The following ARL15 variants were observed in gnomAD, a reference collection of about 807,000 sequenced individuals.
ARL15 encodes the protein ADP-ribosylation factor-like protein 15.
Under a neutral mutation model 25.2 loss-of-function variants are expected in ARL15, and 19 were observed. The ratio of observed to expected loss-of-function variants is 0.75; its 90% CI spans 0.53 to 1.10. The LOEUF is 1.10. Among genes scored for constraint, ARL15 ranks in the 50% least tolerant of loss-of-function variants. The pLI is 0.00. For missense variants in ARL15, 220 were observed against 246.0 expected (o/e 0.89, Z 0.71); for synonymous variants, 94 against 86.8 (o/e 1.08, Z -0.46).
At chr5:54,148,255 A>G (rs548113815) in intron 3 of ARL15, among the ~76,000 whole-genome samples, 66 of 152,206 alleles carry the variant, frequency 4.3e-4, no homozygotes, top group Non-Finnish European at 5.6e-4. Flanking sequence ...GCAGATTAAC[A>G]GCACCCGAAG....
chr5:54,009,871 G>A (rs1229328038), intron 4 of ARL15, among the ~76,000 whole-genome samples: 1 of 152,026 alleles, frequency 6.6e-6, no homozygotes, highest in African/African-American at 2.4e-5. Flanking sequence ...AGTTATCAGA[G>A]CTCTTAACAA....
At chr5:54,040,232 T>C (rs1384044557) in intron 4 of ARL15, among the ~76,000 whole-genome samples, 2 of 152,230 alleles carry the variant, frequency 1.3e-5, no homozygotes, top group Non-Finnish European at 2.9e-5. Context: ...CAGATATTAA[T>C]AATGTTTTAA....
chr5:54,022,991 A>G (rs1213694230), intron 4 of ARL15, among the ~76,000 whole-genome samples: 6 of 152,218 alleles, frequency 3.9e-5, no homozygotes, highest in Non-Finnish European at 8.8e-5. Flanking sequence ...CGTTGAACTG[A>G]AAAATGTAAT....
At chr5:53,898,983 T>A (rs1262041825) in intron 4 of ARL15, among the ~76,000 whole-genome samples, 1 of 152,132 alleles carries the variant, frequency 6.6e-6, no homozygotes, top group Non-Finnish European at 1.5e-5. Context: ...TTGGTAGTTG[T>A]GTCTCTTCTT....
intron 4 of ARL15, among the ~76,000 whole-genome samples, chr5:54,082,035 G>A (rs986983449): frequency 5.6e-5 from 8 of 143,596 alleles, no homozygotes; most frequent in African/African-American, 2.1e-4. Context: ...AGGTTGTAGT[G>A]AGCCAAGACT....
intron 4 of ARL15, among the ~76,000 whole-genome samples, chr5:54,083,405 TA>T (rs140949843): frequency 0.036 from 5,556 of 152,238 alleles, 349 homozygotes; most frequent in African/African-American, 0.13. Flanking sequence ...TTCTATGCAA[TA>T]GGGATTGAGT....
intron 4 of ARL15, among the ~76,000 whole-genome samples, chr5:54,003,471 C>T (rs533821018): frequency 2.0e-5 from 3 of 152,280 alleles, no homozygotes; most frequent in South Asian, 4.2e-4. Flanking sequence ...CATTGAAGAT[C>T]CACAATTCTG....
At chr5:54,305,539 C>A (rs1172931693) in intron 1 of ARL15, among the ~76,000 whole-genome samples, 1 of 152,156 alleles carries the variant, frequency 6.6e-6, no homozygotes, top group Non-Finnish European at 1.5e-5. Flanking sequence ...TATTCCAAGT[C>A]CCAGTGGATA....
At chr5:54,299,714 C>A (rs775861830) in intron 1 of ARL15, among the ~76,000 whole-genome samples, 4 of 151,518 alleles carry the variant, frequency 2.6e-5, no homozygotes, top group Non-Finnish European at 4.4e-5. Context: ...CTCAGCTTCC[C>A]AAGTAGCTGG....
intron 4 of ARL15, among the ~76,000 whole-genome samples, chr5:54,060,249 ATGG>A (rs1220395856): frequency 6.6e-6 from 1 of 152,008 alleles, no homozygotes; most frequent in East Asian, 1.9e-4. Context: ...CCTGGCCAAC[ATGG>A]TGAAACCCTG....
chr5:54,104,090 G>A (rs922614185), intron 4 of ARL15, among the ~76,000 whole-genome samples: 3 of 152,040 alleles, frequency 2.0e-5, no homozygotes, highest in South Asian at 2.1e-4. Flanking sequence ...GGCTCTTCCC[G>A]TTCCCCTCTT....
intron 4 of ARL15, among the ~76,000 whole-genome samples, chr5:54,069,930 C>T (rs1751368357): frequency 6.6e-6 from 1 of 151,242 alleles, no homozygotes. Context: ...CCACCTCGGC[C>T]TCCCAAAGTG....
chr5:54,250,771 G>T (rs1391637399), intron 1 of ARL15, among the ~76,000 whole-genome samples: 2 of 152,098 alleles, frequency 1.3e-5, no homozygotes, highest in Admixed American at 1.3e-4. Flanking sequence ...TGTTGGCTGT[G>T]AAACTAACTG....
intron 1 of ARL15, among the ~76,000 whole-genome samples, chr5:54,294,334 G>A (rs973350689): frequency 6.6e-6 from 1 of 152,198 alleles, no homozygotes; most frequent in Non-Finnish European, 1.5e-5. Flanking sequence ...TACTAAGGTG[G>A]AGTTCAGTAG....
intron 1 of ARL15, among the ~76,000 whole-genome samples, chr5:54,185,237 T>A (rs992482681): frequency 2.0e-5 from 3 of 152,162 alleles, no homozygotes; most frequent in African/African-American, 7.2e-5. Flanking sequence ...CGGCTCCATG[T>A]CAGTAAAGGG....
At chr5:53,906,010 G>T (rs1365236154) in intron 4 of ARL15, among the ~76,000 whole-genome samples, 2 of 152,146 alleles carry the variant, frequency 1.3e-5, no homozygotes, top group African/African-American at 2.4e-5. Flanking sequence ...AAAAGGAAAA[G>T]ATGTGGCTCT....
chr5:54,219,281 T>C (rs1756305269), intron 1 of ARL15, among the ~76,000 whole-genome samples: 1 of 152,222 alleles, frequency 6.6e-6, no homozygotes, highest in Non-Finnish European at 1.5e-5. Flanking sequence ...TGAATAGTTC[T>C]CTATGTAGGG....
intron 4 of ARL15, among the ~76,000 whole-genome samples, chr5:54,054,809 A>G (rs983564109): frequency 6.6e-6 from 1 of 152,020 alleles, no homozygotes; most frequent in African/African-American, 2.4e-5. Context: ...AAAGAATACT[A>G]GATGAGAAAA....
At chr5:54,000,105 T>A (rs697110) in intron 4 of ARL15, among the ~76,000 whole-genome samples, 1 of 151,854 alleles carries the variant, frequency 6.6e-6, no homozygotes, top group Non-Finnish European at 1.5e-5. Flanking sequence ...AAAGCTACAC[T>A]GCAGACTGAT....
Sources: gnomAD v4.1 joint callset for allele counts (sites outside exome capture counted in the v4.1 genomes callset) on GRCh38, gnomAD v4.1.1 for gene constraint, MANE v1.5 for transcripts, NCBI Gene and HGNC (gene_info 2026-07-23, HGNC 2026-07-21) for gene names.